ANKRD44: variants seen among roughly 807,000 people sequenced by gnomAD.
ANKRD44 encodes ankyrin repeat domain 44.
In ANKRD44, 35 loss-of-function variants were observed where a neutral mutation model predicts 116.0. The observed-to-expected ratio is 0.30, with a 90% CI of 0.23 to 0.40. ANKRD44 has a LOEUF of 0.40. Among genes scored for constraint, ANKRD44 ranks in the 10% least tolerant of loss-of-function variants. ANKRD44 has a pLI of 1.00. For synonymous variants in ANKRD44, 435 were observed against 461.8 expected (o/e 0.94, Z 0.74); for missense variants, 1,014 against 1,242.6 (o/e 0.82, Z 2.77).
At chr2:197,063,622 C>T (rs1035287266) in intron 16 of ANKRD44, among the ~76,000 whole-genome samples, 2 of 152,152 alleles carry the variant, frequency 1.3e-5, no homozygotes, top group African/African-American at 4.8e-5. Context: ...CCTGATGGAG[C>T]TGAAAACCAT....
chr2:197,155,058 G>A (rs2079774216), intron 2 of ANKRD44, among the ~76,000 whole-genome samples: 1 of 152,058 alleles, frequency 6.6e-6, no homozygotes, highest in African/African-American at 2.4e-5. Context: ...AGAAAAATAA[G>A]AATGCCAAAG....
intron 16 of ANKRD44, among the ~76,000 whole-genome samples, chr2:197,044,051 T>C (rs2076958193): frequency 6.6e-6 from 1 of 152,180 alleles, no homozygotes; most frequent in African/African-American, 2.4e-5. Flanking sequence ...AAATTCAATT[T>C]GTAGGATATT....
intron 2 of ANKRD44, among the ~76,000 whole-genome samples, chr2:197,171,961 T>A (rs1429340471): frequency 6.6e-6 from 1 of 151,490 alleles, no homozygotes; most frequent in Admixed American, 6.6e-5. Context: ...AAGTCAAAAA[T>A]TACTCCCATT....
At chr2:196,990,897 T>A (rs997753542) in intron 27 of ANKRD44, 4 of 1,232,366 alleles carry the variant, frequency 3.2e-6, no homozygotes, top group Non-Finnish European at 4.0e-6. Context: ...CACGTCTTTG[T>A]TAGGAGCGCA....
chr2:197,211,876 G>A (rs1003975065), intron 1 of ANKRD44, among the ~76,000 whole-genome samples: 3 of 151,918 alleles, frequency 2.0e-5, no homozygotes, highest in East Asian at 1.9e-4. Flanking sequence ...AAAGGTGATC[G>A]ACAGATCCAG....
intron 1 of ANKRD44, among the ~76,000 whole-genome samples, chr2:197,307,612 T>A (rs2195507): frequency 1.3e-5 from 2 of 149,752 alleles, no homozygotes; most frequent in East Asian, 2.0e-4. Flanking sequence ...TTTACTCTCC[T>A]GAAAAAAAAA....
intron 16 of ANKRD44, among the ~76,000 whole-genome samples, chr2:197,034,641 C>G (rs536510859): frequency 6.6e-6 from 1 of 152,002 alleles, no homozygotes; most frequent in East Asian, 1.9e-4. Flanking sequence ...CTTTTCTCAA[C>G]TGATTAATCA....
intron 21 of ANKRD44, among the ~76,000 whole-genome samples, chr2:196,978,732 T>C (rs1478325170): frequency 6.6e-6 from 1 of 152,100 alleles, no homozygotes; most frequent in Non-Finnish European, 1.5e-5. Context: ...ACCATCAACG[T>C]GTATCCTTTA....
intron 1 of ANKRD44, among the ~76,000 whole-genome samples, chr2:197,233,692 C>A (rs964626022): frequency 3.9e-5 from 6 of 152,162 alleles, no homozygotes; most frequent in African/African-American, 1.4e-4. Context: ...TCAGCAATAG[C>A]TCAAGTTTAA....
At chr2:197,153,045 T>C (rs2079696183) in intron 2 of ANKRD44, among the ~76,000 whole-genome samples, 2 of 151,454 alleles carry the variant, frequency 1.3e-5, no homozygotes, top group South Asian at 4.2e-4. Context: ...CTATTAAAAG[T>C]AATTTTTTTA....
chr2:197,231,092 C>A (rs2081850036), intron 1 of ANKRD44, among the ~76,000 whole-genome samples: 1 of 152,072 alleles, frequency 6.6e-6, no homozygotes, highest in South Asian at 2.1e-4. Context: ...TGAGCCTTTA[C>A]CTAAGTCACT....
At chr2:197,063,908 C>G (rs888121230) in intron 16 of ANKRD44, among the ~76,000 whole-genome samples, 1 of 152,178 alleles carries the variant, frequency 6.6e-6, no homozygotes, top group Non-Finnish European at 1.5e-5. Context: ...CTTCCCCAAT[C>G]TAGCAAGGCA....
At chr2:197,274,009 ATATATATATATATATATATG>A (rs1559208669) in intron 1 of ANKRD44, among the ~76,000 whole-genome samples, 1 of 71,540 alleles carries the variant, frequency 1.4e-5, no homozygotes, top group African/African-American at 6.3e-5. Context: ...ATATATATAT[ATATATATATATATATATATG>A]AATCAGACAG....
At chr2:197,006,907 C>A (rs1440974939) in intron 20 of ANKRD44, among the ~76,000 whole-genome samples, 1 of 152,114 alleles carries the variant, frequency 6.6e-6, no homozygotes, top group Non-Finnish European at 1.5e-5. Context: ...CAGTTTGAGA[C>A]CTGCCTGGGC....
intron 1 of ANKRD44, among the ~76,000 whole-genome samples, chr2:197,224,064 G>T (rs1407041521): frequency 6.6e-6 from 1 of 152,122 alleles, no homozygotes; most frequent in Admixed American, 6.6e-5. Context: ...TGAGGGGCTG[G>T]TTACATCTAT....
chr2:197,266,747 T>C (rs2082751989), intron 1 of ANKRD44, among the ~76,000 whole-genome samples: 1 of 151,958 alleles, frequency 6.6e-6, no homozygotes, highest in Non-Finnish European at 1.5e-5. Flanking sequence ...AAAAATGAAA[T>C]ACTCTAAGTA....
chr2:197,031,601 T>G (rs1324789015), intron 16 of ANKRD44, among the ~76,000 whole-genome samples: 1 of 152,252 alleles, frequency 6.6e-6, no homozygotes, highest in Non-Finnish European at 1.5e-5. Context: ...CCACAGACTC[T>G]CAGATAGATT....
chr2:197,017,716 C>T (rs1410056227), intron 17 of ANKRD44, among the ~76,000 whole-genome samples: 2 of 152,228 alleles, frequency 1.3e-5, no homozygotes, highest in Admixed American at 1.3e-4. Context: ...CCTCCCAAAA[C>T]TTGCTCCATC....
intron 16 of ANKRD44, among the ~76,000 whole-genome samples, chr2:197,033,570 C>A (rs2076748285): frequency 6.6e-6 from 1 of 152,080 alleles, no homozygotes; most frequent in African/African-American, 2.4e-5. Flanking sequence ...CACAGCAATG[C>A]CTTCCAATCA....
Sources: allele counts gnomAD v4.1 joint callset (sites outside exome capture counted in the v4.1 genomes callset), GRCh38; gene constraint gnomAD v4.1.1; transcripts MANE v1.5; gene names NCBI Gene and HGNC (gene_info 2026-07-23, HGNC 2026-07-21).